CNTNAP2: variants seen among roughly 807,000 people sequenced by gnomAD.
CNTNAP2 encodes contactin associated protein 2, also known as contactin-associated protein-like 2.
In CNTNAP2, 98 loss-of-function variants were observed where a neutral mutation model predicts 155.2. The ratio of observed to expected loss-of-function variants is 0.63; its 90% CI spans 0.54 to 0.75. CNTNAP2 has a LOEUF of 0.75. CNTNAP2 is among the 30% of genes least tolerant of loss of function. The probability of loss-of-function intolerance (pLI) is 0.00; values close to 1 mark genes in which losing one functional copy is unlikely to be tolerated. For synonymous variants in CNTNAP2, 651 were observed against 631.2 expected, an observed-to-expected ratio of 1.03 and a Z score of -0.47; for missense variants, 1,727 against 1,688.1, an observed-to-expected ratio of 1.02 and a Z score of -0.40.
chr7:147,168,703 CTTAAAG>C (rs1260787206), intron 8 of CNTNAP2, among the ~76,000 whole-genome samples: 1 of 152,026 alleles, frequency 6.6e-6, no homozygotes. Context: ...ATGTTCTATA[CTTAAAG>C]TTAAGTTTTA....
intron 13 of CNTNAP2, 37 bp from the exon 14 acceptor site, chr7:147,903,528 G>A (rs998210571): frequency 6.2e-6 from 10 of 1,613,256 alleles, no homozygotes; most frequent in Non-Finnish European, 8.5e-6. Context: ...ACTGAACCCA[G>A]GTCTGTTTCT....
chr7:147,873,732 G>A (rs1464238629), intron 13 of CNTNAP2, among the ~76,000 whole-genome samples: 2 of 152,068 alleles, frequency 1.3e-5, no homozygotes, highest in Non-Finnish European at 2.9e-5. Context: ...CAAAGTCTTA[G>A]CTCATTCCAG....
intron 4 of CNTNAP2, among the ~76,000 whole-genome samples, chr7:147,086,476 A>G (rs1469843043): frequency 2.0e-5 from 3 of 151,934 alleles, no homozygotes; most frequent in Non-Finnish European, 4.4e-5. Context: ...TCTCTCTATC[A>G]CCCAGAATGG....
chr7:147,628,411 C>A (rs1437670214), intron 12 of CNTNAP2, among the ~76,000 whole-genome samples: 2 of 152,104 alleles, frequency 1.3e-5, no homozygotes, highest in African/African-American at 4.8e-5. Context: ...GAGATAAAGT[C>A]TTTTTCAGAC....
At chr7:147,606,110 G>C (rs550939966) in intron 12 of CNTNAP2, among the ~76,000 whole-genome samples, 1 of 151,940 alleles carries the variant, frequency 6.6e-6, no homozygotes, top group Admixed American at 6.5e-5. Flanking sequence ...CCATTTCCAA[G>C]TCTTAGATGA....
intron 1 of CNTNAP2, among the ~76,000 whole-genome samples, chr7:146,422,196 G>A (rs1477377231): frequency 6.6e-6 from 1 of 151,258 alleles, no homozygotes; most frequent in East Asian, 1.9e-4. Flanking sequence ...TGTCACCTGA[G>A]TAGTGTACAT....
rs376979657 is a variant in CNTNAP2, at chr7:147,240,565, G to A, written c.1349-59576G>A. Among the ~76,000 whole-genome samples, 44 of 152,216 alleles carry A rather than the reference G, an allele frequency of 2.9e-4. No homozygotes were observed. In the South Asian group the frequency reaches 8.3e-3, roughly 29 times the overall value. ...CTTACTGTGATTTCACATTACCTAC[G>A]TTTGACTCAGCTGTCTATCTCCATA... is the stretch of plus-strand genomic sequence containing the variant. On this transcript the variant is annotated intron_variant, in intron 8 of 23. Coordinates refer to ENST00000361727, the MANE Select transcript of CNTNAP2 (RefSeq NM_014141.6).
chr7:147,968,655 C>A (rs1360582720), intron 14 of CNTNAP2, among the ~76,000 whole-genome samples: 1 of 152,022 alleles, frequency 6.6e-6, no homozygotes, highest in Non-Finnish European at 1.5e-5. Context: ...TGAAAATGAA[C>A]GTAAAGGAAC....
chr7:146,792,866 T>G (rs1802699095), intron 2 of CNTNAP2, among the ~76,000 whole-genome samples: 3 of 152,184 alleles, frequency 2.0e-5, no homozygotes, highest in Non-Finnish European at 4.4e-5. Context: ...CATCAATAAT[T>G]TAACAAATAT....
At chr7:147,245,287 G>A (rs548843982) in intron 8 of CNTNAP2, among the ~76,000 whole-genome samples, 1 of 151,884 alleles carries the variant, frequency 6.6e-6, no homozygotes, top group African/African-American at 2.4e-5. Flanking sequence ...TAAAAACCTC[G>A]GTGTAAAGTG....
chr7:147,119,049 G>A (rs984730900), intron 5 of CNTNAP2, among the ~76,000 whole-genome samples: 1 of 152,058 alleles, frequency 6.6e-6, no homozygotes, highest in African/African-American at 2.4e-5. Context: ...AAGAGCAGGG[G>A]GAGAGTAACC....
chr7:148,326,055 C>T (rs535295895), intron 21 of CNTNAP2, among the ~76,000 whole-genome samples: 2 of 152,152 alleles, frequency 1.3e-5, no homozygotes, highest in Non-Finnish European at 2.9e-5. Flanking sequence ...CTGCAAATTA[C>T]TGCCACGTGG....
Position 147,832,640 on chromosome 7 carries a change from A to T in CNTNAP2, c.2099-70925A>T, listed in dbSNP as rs539055331. On this transcript the variant is annotated intron_variant, in intron 13 of 23. Transcript: ENST00000361727. The stretch of plus-strand genomic sequence containing the variant: ...TTTTTATATTTTTATATAAAGCAAT[A>T]TATAAAATTATATTTCAATATATTT... Among the ~76,000 whole-genome samples the T allele has an allele frequency of 2.1e-5, 3 of 146,208 alleles. 1 individual carries two copies. In the South Asian group the frequency reaches 6.3e-4, roughly 31 times the overall value.
intron 15 of CNTNAP2, among the ~76,000 whole-genome samples, chr7:148,116,401 C>T (rs1284763496): frequency 6.6e-6 from 1 of 152,160 alleles, no homozygotes; most frequent in Non-Finnish European, 1.5e-5. Context: ...ACCACCTAAC[C>T]TCTAACTAAA....
chr7:147,485,889 C>A lies in CNTNAP2; in HGVS notation c.1671-46C>A. 4 of 1,594,706 alleles carry A rather than the reference C, an allele frequency of 2.5e-6. No homozygotes were observed. The East Asian group carries it at 8.9e-5, about 36-fold the overall frequency. On this transcript the variant is annotated intron_variant, in intron 10 of 23. Transcript: ENST00000361727. ...GCTTGGAATTTGGCCACTCATAAAT[C>A]TCATTTGTTTGTTGGTTTATTTCTG...
At chr7:146,620,091 T>A (rs1251782167) in intron 1 of CNTNAP2, among the ~76,000 whole-genome samples, 6 of 152,164 alleles carry the variant, frequency 3.9e-5, no homozygotes, top group Non-Finnish European at 7.3e-5. Flanking sequence ...AACAGTTCTG[T>A]TCACTGGGAT....
chr7:147,632,672 G>C (rs550346862), intron 12 of CNTNAP2, among the ~76,000 whole-genome samples: 9 of 152,154 alleles, frequency 5.9e-5, no homozygotes, highest in Non-Finnish European at 1.3e-4. Context: ...TGGGTAGTGG[G>C]GTGCTGCTGT....
intron 11 of CNTNAP2, among the ~76,000 whole-genome samples, chr7:147,538,903 A>G (rs879460847): frequency 6.6e-6 from 1 of 152,088 alleles, no homozygotes; most frequent in Admixed American, 6.6e-5. Context: ...TTTCAGCTCA[A>G]TGTAAGAAAA....
At chr7:147,288,109 A>G (rs1203635083) in intron 8 of CNTNAP2, among the ~76,000 whole-genome samples, 1 of 152,110 alleles carries the variant, frequency 6.6e-6, no homozygotes, top group Admixed American at 6.6e-5. Flanking sequence ...GCATCAAATC[A>G]TCATGTGGCT....
Sources: allele counts gnomAD v4.1 joint callset (sites outside exome capture counted in the v4.1 genomes callset), GRCh38; gene constraint gnomAD v4.1.1; transcripts MANE v1.5; gene names NCBI Gene and HGNC (gene_info 2026-07-23, HGNC 2026-07-21).